The following AGAP1 variants were observed in gnomAD, a reference collection of about 807,000 sequenced individuals.
AGAP1 encodes the protein arf-GAP with GTPase, ANK repeat and PH domain-containing protein 1.
Under a neutral mutation model 105.3 loss-of-function variants are expected in AGAP1, and 29 were observed. The observed-to-expected ratio is 0.28, with a 90% CI of 0.21 to 0.38. AGAP1 has a LOEUF of 0.38. Among genes scored for constraint, AGAP1 ranks in the 10% least tolerant of loss-of-function variants. The probability of loss-of-function intolerance (pLI) is 1.00; values close to 1 mark genes in which losing one functional copy is unlikely to be tolerated. For synonymous variants in AGAP1, 509 were observed against 485.9 expected, an observed-to-expected ratio of 1.05 and a Z score of -0.63; for missense variants, 998 against 1,165.1, an observed-to-expected ratio of 0.86 and a Z score of 2.09.
intron 13 of AGAP1, among the ~76,000 whole-genome samples, chr2:236,007,705 A>G (rs2056369341): frequency 6.6e-6 from 1 of 152,254 alleles, no homozygotes; most frequent in African/African-American, 2.4e-5. Flanking sequence ...GAAGAAAGGG[A>G]TGAGGGAAAA....
chr2:235,597,612 A>T (rs1293555311), intron 1 of AGAP1, among the ~76,000 whole-genome samples: 1 of 152,214 alleles, frequency 6.6e-6, no homozygotes, highest in Non-Finnish European at 1.5e-5. Flanking sequence ...TTACCCAAAA[A>T]TGTGCAGCAC....
chr2:235,504,000 G>A (rs937687419), intron 1 of AGAP1, among the ~76,000 whole-genome samples: 1 of 152,136 alleles, frequency 6.6e-6, no homozygotes, highest in Non-Finnish European at 1.5e-5. Flanking sequence ...TCCTGCCTTG[G>A]CCTCCCAAAT....
chr2:235,995,898 TTGTGCAGTGGGTTTGGAGGTCAC>T (rs2055791729), intron 13 of AGAP1, among the ~76,000 whole-genome samples: 1 of 152,136 alleles, frequency 6.6e-6, no homozygotes, highest in African/African-American at 2.4e-5. Flanking sequence ...TTGGAGGTCA[TTGTGCAGTGGGTTTGGAGGTCAC>T]TGTGCAGTAG....
At chr2:235,658,753 A>G (rs1947853356) in intron 1 of AGAP1, among the ~76,000 whole-genome samples, 1 of 152,100 alleles carries the variant, frequency 6.6e-6, no homozygotes, top group African/African-American at 2.4e-5. Context: ...TTGGGAGATA[A>G]TCCTAATCAC....
intron 13 of AGAP1, among the ~76,000 whole-genome samples, chr2:236,010,661 CTT>C (rs1311359022): frequency 6.6e-6 from 1 of 152,182 alleles, no homozygotes; most frequent in Non-Finnish European, 1.5e-5. Flanking sequence ...AGTGATCTCT[CTT>C]TGTAATTCAA....
chr2:235,974,911 A>G (rs2054795282), intron 13 of AGAP1, among the ~76,000 whole-genome samples: 1 of 152,246 alleles, frequency 6.6e-6, no homozygotes, highest in African/African-American at 2.4e-5. Flanking sequence ...AGGAGTTTAG[A>G]GCCTGATTAT....
Position 235,962,378 on chromosome 2 carries a change from G to C in AGAP1, c.1484-6084G>C, listed in dbSNP as rs2054229162. 6.6e-6 allele frequency among the ~76,000 whole-genome samples: 1 copy of C among 152,102 alleles called. No homozygotes were observed. The highest frequency in any genetic ancestry group is 1.5e-5 in the Non-Finnish European group (1 of 68,018). Reference sequence around the variant, plus strand: ...CTACTCAGGAGAGATGGTGGGAGAAGGGAAACTTACAAGGGTGAGTTTCAA... The same window carrying C: ...CTACTCAGGAGAGATGGTGGGAGAACGGAAACTTACAAGGGTGAGTTTCAA... On this transcript the variant is annotated intron_variant, in intron 12 of 17. Transcript: ENST00000304032. The surrounding 1 kb of genome is among the most constrained non-coding windows in gnomAD (Gnocchi z 5.3).
rs1485135403 is a variant in AGAP1, at chr2:235,867,062, C to G, written c.1051-16283C>G. Among the ~76,000 whole-genome samples the G allele has an allele frequency of 6.6e-6, 1 of 152,178 alleles. No homozygotes were observed. Among genetic ancestry groups the G allele is most frequent in the Non-Finnish European group, 1.5e-5 (1 of 68,028 alleles). On this transcript the variant is annotated intron_variant, in intron 9 of 17. Coordinates refer to ENST00000304032, the MANE Select transcript of AGAP1 (RefSeq NM_001037131.3). The surrounding 1 kb of genome is among the most constrained non-coding windows in gnomAD (Gnocchi z 5.4). ...GCTTGCTTATGCGGAGCCTGTGACC[C>G]TGCAGCTCAGCATGGGAGGCTAAAG...
At position 235,963,628 on chromosome 2, in the gene AGAP1, A is replaced by C. The variant is rs2054275581; in HGVS notation, c.1484-4834A>C. Among the ~76,000 whole-genome samples, 1 of 152,198 alleles carries C rather than the reference A, an allele frequency of 6.6e-6. No individual in the cohort carries two copies. Among genetic ancestry groups the C allele is most frequent in the South Asian group, 2.1e-4 (1 of 4,828 alleles). On this transcript the variant is annotated intron_variant, in intron 12 of 17. Coordinates refer to ENST00000304032, the MANE Select transcript of AGAP1 (RefSeq NM_001037131.3). The surrounding 1 kb of genome is among the most constrained non-coding windows in gnomAD (Gnocchi z 5.1). The stretch of plus-strand genomic sequence containing the variant: ...AACACAAAGACAGTGTAATTTATCT[A>C]GGCTCAGTGGTCACTCTTAGAATCT...
At chr2:235,626,006 G>A (rs182211626) in intron 1 of AGAP1, among the ~76,000 whole-genome samples, 141 of 152,206 alleles carry the variant, frequency 9.3e-4, no homozygotes, top group South Asian at 3.7e-3. Context: ...TCCTATGAGC[G>A]AAAAATTGGG....
chr2:235,543,072 C>T (rs1221896275), intron 1 of AGAP1, among the ~76,000 whole-genome samples: 2 of 149,300 alleles, frequency 1.3e-5, no homozygotes, highest in East Asian at 2.0e-4. Flanking sequence ...GGGTATTGTG[C>T]GACCCTGCTC....
rs3768931 is a variant in AGAP1, at chr2:236,087,561, G to A, written c.2115-32631G>A. Among the ~76,000 whole-genome samples the A allele has an allele frequency of 0.11, 16,565 of 152,142 alleles. 1,499 individuals are homozygous for A. The highest frequency in any genetic ancestry group is 0.24 in the African/African-American group (9,935 of 41,470). On this transcript the variant is annotated intron_variant, in intron 16 of 17. Transcript: ENST00000304032. This position sits in a 1 kb window ranked among gnomAD's most constrained non-coding sequence, Gnocchi z 5.7. ...ACTGCCCATGACGGGCTACTTGGACGGCTCATGCCCACCTCTGACTAGTTT... is the reference window on the plus strand; with the variant it reads ...ACTGCCCATGACGGGCTACTTGGACAGCTCATGCCCACCTCTGACTAGTTT...
chr2:235,912,808 G>C (rs1310434212), intron 11 of AGAP1, among the ~76,000 whole-genome samples: 1 of 152,152 alleles, frequency 6.6e-6, no homozygotes, highest in Non-Finnish European at 1.5e-5. Context: ...TAATATTATT[G>C]TTAGAATTTA....
At chr2:235,666,429 G>C (rs777785828) in intron 1 of AGAP1, among the ~76,000 whole-genome samples, 3 of 152,020 alleles carry the variant, frequency 2.0e-5, no homozygotes, top group African/African-American at 7.3e-5. Flanking sequence ...TCTTTGCATC[G>C]GGAGAGCCCA....
rs2125552844 is a variant in AGAP1, at chr2:236,009,175, A to G, written c.1646-27386A>G. Among the ~76,000 whole-genome samples, 1 of 152,360 alleles carries G rather than the reference A, an allele frequency of 6.6e-6. No individual in the cohort carries two copies. The highest frequency in any genetic ancestry group is 2.4e-5 in the African/African-American group (1 of 41,588). On this transcript the variant is annotated intron_variant, in intron 13 of 17. Coordinates refer to ENST00000304032, the MANE Select transcript of AGAP1 (RefSeq NM_001037131.3). The surrounding 1 kb of genome is among the most constrained non-coding windows in gnomAD (Gnocchi z 4.2). ...AATCTTCTGGGTTGCATCTTATGAA[A>G]AAAAGAAATCCACTGCCTTTTTATA...
rs998630981 is a variant in AGAP1 at position 235,736,674 on chromosome 2, A to G, written c.311-4289A>G. Among the ~76,000 whole-genome samples, 12 of 152,020 alleles carry G rather than the reference A, an allele frequency of 7.9e-5. No individual in the cohort carries two copies. Among genetic ancestry groups the G allele is most frequent in the Non-Finnish European group, 1.2e-4 (8 of 68,008 alleles). On this transcript the variant is annotated intron_variant, in intron 3 of 17. Transcript: ENST00000304032. This position sits in a 1 kb window ranked among gnomAD's most constrained non-coding sequence, Gnocchi z 5.5. ...GTTCGAGACCAGCCTGGGCAACACA[A>G]TGAGGCCCCATCTCATCTATCCAGG...
At chr2:235,779,668 G>C (rs958480350) in intron 6 of AGAP1, among the ~76,000 whole-genome samples, 3 of 152,148 alleles carry the variant, frequency 2.0e-5, no homozygotes, top group Non-Finnish European at 4.4e-5. Flanking sequence ...CCCTGCCCCT[G>C]GTTTCCTTCA....
chr2:235,743,582 T>C (rs1952715453), intron 4 of AGAP1, among the ~76,000 whole-genome samples: 1 of 152,208 alleles, frequency 6.6e-6, no homozygotes, highest in African/African-American at 2.4e-5. Flanking sequence ...CATTTAATTT[T>C]GTATTTATCA....
intron 1 of AGAP1, among the ~76,000 whole-genome samples, chr2:235,684,942 C>A (rs1327152702): frequency 6.6e-6 from 1 of 152,134 alleles, no homozygotes; most frequent in African/African-American, 2.4e-5. Flanking sequence ...TACAAGTCAC[C>A]ATGGCCATTG....
Sources: gnomAD v4.1 joint callset for allele counts (sites outside exome capture counted in the v4.1 genomes callset) on GRCh38, gnomAD v4.1.1 for gene constraint, Gnocchi (gnomAD v3.1) non-coding constraint, MANE v1.5 for transcripts, NCBI Gene and HGNC (gene_info 2026-07-23, HGNC 2026-07-21) for gene names.